ZZEF1: variants seen among roughly 807,000 people sequenced by gnomAD.
ZZEF1 encodes zinc finger ZZ-type and EF-hand domain-containing protein 1.
ZZEF1 carries 157 observed loss-of-function variants against 342.8 expected under a neutral mutation model. That is an observed-to-expected ratio of 0.46 (90% confidence interval 0.40 to 0.52). The LOEUF (loss-of-function observed/expected upper bound fraction) is 0.52. Ranked by LOEUF, ZZEF1 falls within the 20% of genes least tolerant of loss-of-function variation. The probability of loss-of-function intolerance (pLI) is 0.00; values close to 1 mark genes in which losing one functional copy is unlikely to be tolerated. For synonymous variants in ZZEF1, 1,505 were observed against 1,429.1 expected (o/e 1.05, Z -1.20); for missense variants, 3,480 against 3,725.6 (o/e 0.93, Z 1.72).
intron 44 of ZZEF1, 44 bp from the exon 45 acceptor site, chr17:4,021,364 C>T (rs369568796): frequency 1.7e-5 from 26 of 1,514,028 alleles, no homozygotes; most frequent in Non-Finnish European, 2.2e-5. Flanking sequence ...ACTCAGTGGG[C>T]GGGAAGATGG....
intron 1 of ZZEF1, among the ~76,000 whole-genome samples, chr17:4,136,827 T>C (rs1187900548): frequency 6.6e-6 from 1 of 152,164 alleles, no homozygotes; most frequent in Non-Finnish European, 1.5e-5. Flanking sequence ...ATGCTGTGCC[T>C]TTCATACGGC....
In ZZEF1 at chr17:4,013,512, G is replaced by C. The variant is rs1488698570; in HGVS notation, c.8516C>G (p.Thr2839Ser). The stretch of plus-strand genomic sequence containing the variant: ...GATGGCTTTTAATCGTTGATGGCCA[G>C]TCTGGCGACAGGCCACGCCCACCAG... ...EWLVGVACRQ[T>S]GHQRLKAIHL... is the part of the protein sequence containing the mutation. Residue 2839 changes from threonine (T) to serine (S), a missense_variant, in exon 52 of 55, where the codon ACT becomes AGT. Transcript: ENST00000381638. 6.2e-7 allele frequency: 1 copy of C among 1,613,942 alleles called. No homozygotes were observed. Among genetic ancestry groups the C allele is most frequent in the Non-Finnish European group, 8.5e-7 (1 of 1,179,960 alleles).
In ZZEF1 at chr17:4,017,328, G is replaced by C. The variant is rs1470686071; in HGVS notation, c.8001+43C>G. 1.3e-6 allele frequency: 2 copies of C among 1,545,472 alleles called. No homozygotes were observed. Among genetic ancestry groups the C allele is most frequent in the Non-Finnish European group, 1.7e-6 (2 of 1,145,012 alleles). ...ACTGGAGGAAGCCTGTGGGGCAGAG[G>C]AAGAACCTGGTGGGTGAGCACAAGC... is the stretch of plus-strand genomic sequence containing the variant. On this transcript the variant is annotated intron_variant, in intron 48 of 54. Coordinates refer to ENST00000381638, the MANE Select transcript of ZZEF1 (RefSeq NM_015113.4). The surrounding 1 kb of genome is among the most constrained non-coding windows in gnomAD (Gnocchi z 5.1).
chr17:4,045,084 G>C (rs528393830), intron 37 of ZZEF1, among the ~76,000 whole-genome samples: 2 of 152,256 alleles, frequency 1.3e-5, no homozygotes, highest in South Asian at 4.1e-4. Context: ...AACCCAGGAG[G>C]AGGAGGTTGT....
intron 37 of ZZEF1, among the ~76,000 whole-genome samples, chr17:4,049,063 G>A (rs1462825966): frequency 6.6e-6 from 1 of 152,022 alleles, no homozygotes; most frequent in African/African-American, 2.4e-5. Context: ...AAAACTACCA[G>A]GAGACAGGTA....
chr17:4,114,241 G>A (rs2058358549), intron 4 of ZZEF1, 58 bp downstream of exon 4: 2 of 1,354,280 alleles, frequency 1.5e-6, no homozygotes, highest in South Asian at 2.0e-5. Context: ...AGAGTAGGCA[G>A]TTAAGAAGAA....
At position 4,050,812 on chromosome 17, in the gene ZZEF1, C is replaced by T; in HGVS notation, c.5832G>A (p.Gly1944=). ...CCTGATGAGCCTTCATCAGACAGTC[C>T]CCGACGAGCTGCATGCACTGGCTCC... is the stretch of plus-strand genomic sequence containing the variant. ...TLRSQCMQLV[G]DCLMKAHQGK... The change falls in exon 36 of 55, where the codon GGG becomes GGA. Residue 1944 remains glycine, a synonymous_variant. Coordinates refer to ENST00000381638, the MANE Select transcript of ZZEF1 (RefSeq NM_015113.4). The T allele has an allele frequency of 6.2e-7, 1 of 1,614,056 alleles. No individual in the cohort carries two copies. The highest frequency in any genetic ancestry group is 8.5e-7 in the Non-Finnish European group (1 of 1,180,030).
chr17:4,017,144 G>A lies in ZZEF1; in HGVS notation c.8001+227C>T, dbSNP rs1285271010. On this transcript the variant is annotated intron_variant, in intron 48 of 54. Coordinates refer to ENST00000381638, the MANE Select transcript of ZZEF1 (RefSeq NM_015113.4). The surrounding 1 kb of genome is among the most constrained non-coding windows in gnomAD (Gnocchi z 5.1). ...TGCACTTGGAAACTGGGAAGATGGC[G>A]ACAAAGCTTTCTGGTTCAGCTGGAA... 3 of 563,216 alleles carry A rather than the reference G, an allele frequency of 5.3e-6. No homozygotes were observed. The highest frequency in any genetic ancestry group is 2.7e-5 in the South Asian group (1 of 37,492). 34.9% of individuals were successfully genotyped at this position (563,216 alleles called of 1,614,324 possible).
At chr17:4,112,201 A>G (rs2058323891) in intron 5 of ZZEF1, among the ~76,000 whole-genome samples, 1 of 150,378 alleles carries the variant, frequency 6.6e-6, no homozygotes, top group Non-Finnish European at 1.5e-5. Context: ...GCTGGAGTGC[A>G]GTGGTGTGAT....
In ZZEF1 at chr17:4,014,648, G is replaced by A. The variant is rs2144943798; in HGVS notation, c.8146-133C>T. On this transcript the variant is annotated intron_variant, in intron 49 of 54. Coordinates refer to ENST00000381638, the MANE Select transcript of ZZEF1 (RefSeq NM_015113.4). This position sits in a 1 kb window ranked among gnomAD's most constrained non-coding sequence, Gnocchi z 4.4. ...TGAACCACAGCCCTGGCCTCCAGGAGTGCAGAGTCCAGCTAGGGCGAGGAG... is the reference window on the plus strand; with the variant it reads ...TGAACCACAGCCCTGGCCTCCAGGAATGCAGAGTCCAGCTAGGGCGAGGAG... 1.1e-6 allele frequency: 1 copy of A among 928,260 alleles called. No homozygotes were observed. Among genetic ancestry groups the A allele is most frequent in the East Asian group, 2.4e-5 (1 of 41,492 alleles). The allele number at this position is 928,260 out of a possible 1,614,324, so 57.5% of individuals were successfully genotyped here.
At chr17:4,111,473 C>T (rs1466565866) in intron 5 of ZZEF1, among the ~76,000 whole-genome samples, 1 of 151,954 alleles carries the variant, frequency 6.6e-6, no homozygotes, top group Non-Finnish European at 1.5e-5. Context: ...GTCTGTCCAA[C>T]ATAGTGAAAC....
chr17:4,113,744 TAGG>T (rs2058351359), intron 4 of ZZEF1, among the ~76,000 whole-genome samples: 1 of 151,018 alleles, frequency 6.6e-6, no homozygotes, highest in African/African-American at 2.4e-5. Context: ...GAGGCCAAGA[TAGG>T]AGGATTAAGG....
At chr17:4,080,805 C>T (rs1205014802) in intron 18 of ZZEF1, among the ~76,000 whole-genome samples, 1 of 152,198 alleles carries the variant, frequency 6.6e-6, no homozygotes, top group Non-Finnish European at 1.5e-5. Flanking sequence ...AAATCCATTC[C>T]TCTTTTTCCA....
chr17:4,075,237 G>A, intron 22 of ZZEF1, 26 bp downstream of exon 22: 2 of 1,613,370 alleles, frequency 1.2e-6, no homozygotes, highest in South Asian at 1.1e-5. Flanking sequence ...TTAGCGCTTG[G>A]GGGTGAAAGA....
chr17:4,066,401 C>G (rs199522701), intron 28 of ZZEF1, 46 bp downstream of exon 28: 2 of 1,591,740 alleles, frequency 1.3e-6, no homozygotes, highest in Admixed American at 1.7e-5. Context: ...GGCTCTAAAA[C>G]GAAAACAGAA....
intron 30 of ZZEF1, among the ~76,000 whole-genome samples, chr17:4,060,339 C>A (rs375112164): frequency 1.2e-4 from 18 of 152,052 alleles, no homozygotes; most frequent in African/African-American, 4.1e-4. Context: ...CTGAGCCGGG[C>A]GGATCAATTG....
At position 4,086,161 on chromosome 17, in the gene ZZEF1, C is replaced by T. The variant is rs191593978; in HGVS notation, c.2512+325G>A. On this transcript the variant is annotated intron_variant, in intron 15 of 54. Transcript: ENST00000381638. ...GCTCAACAGTATGATAGTAATGACTCTCAACATAACACAGCTATAGATCTG... is the reference window on the plus strand; with the variant it reads ...GCTCAACAGTATGATAGTAATGACTTTCAACATAACACAGCTATAGATCTG... Among the ~76,000 whole-genome samples, 34 of 152,266 alleles carry T rather than the reference C, an allele frequency of 2.2e-4. 1 individual carries two copies. In the East Asian group the frequency reaches 4.2e-3, roughly 19 times the overall value.
Position 4,016,251 on chromosome 17 carries a change from C to T in ZZEF1, c.8145+72G>A. On this transcript the variant is annotated intron_variant, in intron 49 of 54. Transcript: ENST00000381638. This position sits in a 1 kb window ranked among gnomAD's most constrained non-coding sequence, Gnocchi z 4.4. ...CACAGAGGGGCTGAGCATGGAGGGGCTGAGCACGGAGGGGCTGACGAGGTC... is the reference window on the plus strand; with the variant it reads ...CACAGAGGGGCTGAGCATGGAGGGGTTGAGCACGGAGGGGCTGACGAGGTC... 1.3e-6 allele frequency: 2 copies of T among 1,536,560 alleles called. No individual in the cohort carries two copies. The highest frequency in any genetic ancestry group is 1.7e-6 in the Non-Finnish European group (2 of 1,143,702).
chr17:4,064,596 G>A lies in ZZEF1; in HGVS notation c.4483C>T (p.Pro1495Ser). The A allele has an allele frequency of 1.2e-6, 2 of 1,614,160 alleles. No individual in the cohort carries two copies. The highest frequency in any genetic ancestry group is 1.7e-6 in the Non-Finnish European group (2 of 1,180,026). Reference sequence around the variant, plus strand: ...AGGCCACTGCTGGATGGCAGCTTTGGCTGGGTGCCCAGGCCAGGACTCTGG... The same window carrying A: ...AGGCCACTGCTGGATGGCAGCTTTGACTGGGTGCCCAGGCCAGGACTCTGG... Reference protein sequence around the residue: ...GDQSPGLGTQPKLPSSSGLPA... With the variant: ...GDQSPGLGTQSKLPSSSGLPA... Residue 1495 changes from proline (P) to serine (S), a missense_variant, in exon 29 of 55, where the codon CCA (proline) becomes TCA (serine). By Grantham distance (74) the Pro-to-Ser change is moderately conservative. Transcript: ENST00000381638.
Sources: allele counts gnomAD v4.1 joint callset (sites outside exome capture counted in the v4.1 genomes callset), GRCh38; gene constraint gnomAD v4.1.1; non-coding constraint Gnocchi (gnomAD v3.1); transcripts MANE v1.5; gene names NCBI Gene and HGNC (gene_info 2026-07-23, HGNC 2026-07-21).